SSUH2: variants seen among roughly 807,000 people sequenced by gnomAD.
The protein encoded by SSUH2 is ssu-2 homolog.
In SSUH2, 47 loss-of-function variants were observed where a neutral mutation model predicts 55.3. The observed-to-expected ratio is 0.85, with a 90% CI of 0.67 to 1.08. The LOEUF is 1.08. SSUH2 is among the 50% of genes least tolerant of loss of function. SSUH2 has a pLI of 0.00. For missense variants in SSUH2, 535 were observed against 490.7 expected (o/e 1.09, Z -0.85); for synonymous variants, 212 against 191.5 (o/e 1.11, Z -0.89).
At chr3:8,660,063 G>A (rs1459676343) in intron 6 of SSUH2, among the ~76,000 whole-genome samples, 2 of 152,192 alleles carry the variant, frequency 1.3e-5, no homozygotes, top group African/African-American at 4.8e-5. Flanking sequence ...TCCCAACAGG[G>A]AAGCTAGTCT....
At position 8,632,004 on chromosome 3, in the gene SSUH2, G is replaced by C. The variant is rs751679130; in HGVS notation, c.400+45C>G. 32 of 1,500,208 alleles carry C rather than the reference G, an allele frequency of 2.1e-5. No homozygotes were observed. The Middle Eastern group carries it at 8.6e-4, about 40-fold the overall frequency. 92.9% of individuals were successfully genotyped at this position (1,500,208 alleles called of 1,614,324 possible). ...TCCTGATATTTTCCACCAGCACCCTGACTTATTTGCCCCCAGTTAAACTAA... is the reference window on the plus strand; with the variant it reads ...TCCTGATATTTTCCACCAGCACCCTCACTTATTTGCCCCCAGTTAAACTAA... On this transcript the variant is annotated intron_variant, in intron 5 of 11. Coordinates refer to ENST00000544814, the MANE Select transcript of SSUH2 (RefSeq NM_001256748.3).
chr3:8,679,061 AC>A lies in SSUH2; in HGVS notation c.-901+643del, dbSNP rs551506413. Among the ~76,000 whole-genome samples, 23 of 90,064 alleles carry A rather than the reference AC, an allele frequency of 2.6e-4. 5 individuals carry two copies. Among genetic ancestry groups the A allele is most frequent in the South Asian group, 8.1e-4 (2 of 2,484 alleles). 59.1% of individuals were successfully genotyped at this position (90,064 alleles called of 152,430 possible). On this transcript the variant is annotated intron_variant, in intron 2 of 18. Coordinates refer to the SSUH2 transcript ENST00000317371. Reference sequence around the variant, plus strand: ...GGACACCAAACGCAGGGGAGGAAGCACCCCCCGCGAGGCGGGGACTGAGAGC... The same window carrying A: ...GGACACCAAACGCAGGGGAGGAAGCACCCCCGCGAGGCGGGGACTGAGAGC...
At chr3:8,662,545 G>A (rs897867673) in intron 6 of SSUH2, among the ~76,000 whole-genome samples, 1 of 152,220 alleles carries the variant, frequency 6.6e-6, no homozygotes, top group Non-Finnish European at 1.5e-5. Context: ...AGTATACAGC[G>A]AGTGCTATGT....
intron 5 of SSUH2, among the ~76,000 whole-genome samples, chr3:8,665,632 C>A (rs1348377387): frequency 6.6e-6 from 1 of 151,172 alleles, no homozygotes; most frequent in African/African-American, 2.4e-5. Context: ...CCTTCTGCAA[C>A]CCAAAGTCCC....
rs201641201 is a variant in SSUH2, at chr3:8,619,906, A to G, written c.1090T>C (p.Tyr364His). The G allele has an allele frequency of 2.9e-4, 473 of 1,614,100 alleles. No homozygotes were observed. Among genetic ancestry groups the G allele is most frequent in the Non-Finnish European group, 3.8e-4 (454 of 1,180,032 alleles). ...GTDHQVYAVDYPERYCCGCTI... is the reference protein window; with the variant it reads ...GTDHQVYAVDHPERYCCGCTI... The stretch of plus-strand genomic sequence containing the variant: ...CAGCCACAGCAATACCGCTCAGGAT[A>G]GTCCACCGCATACACCTGGTGGTCA... The change falls in exon 12 of 12, where the codon TAT becomes CAT. Residue 364 changes from tyrosine to histidine, a missense_variant. Tyr to His is a moderately conservative substitution (Grantham distance 83). Transcript: ENST00000544814.
chr3:8,660,526 T>C (rs1703373162), intron 6 of SSUH2, among the ~76,000 whole-genome samples: 1 of 152,134 alleles, frequency 6.6e-6, no homozygotes, highest in African/African-American at 2.4e-5. Context: ...GCCAAAAGAA[T>C]GGGCTCCAGA....
intron 5 of SSUH2, among the ~76,000 whole-genome samples, chr3:8,665,651 AC>A (rs1703925160): frequency 1.3e-5 from 2 of 152,184 alleles, no homozygotes; most frequent in South Asian, 4.1e-4. Flanking sequence ...CCCCCCGTTC[AC>A]CAACGCAAAA....
intron 6 of SSUH2, 24 bp from the exon 7 acceptor site, chr3:8,629,750 G>T (rs1435959174): frequency 3.1e-6 from 5 of 1,613,330 alleles, no homozygotes; most frequent in Non-Finnish European, 4.2e-6. Context: ...GCTTTCTTGG[G>T]ATCTAGTTTC....
intron 11 of SSUH2, among the ~76,000 whole-genome samples, chr3:8,621,792 A>C (rs541043962): frequency 1.3e-5 from 2 of 152,194 alleles, no homozygotes; most frequent in African/African-American, 4.8e-5. Flanking sequence ...AAGGACCCCA[A>C]ATAGGGACTA....
rs558220101 is a variant in SSUH2 at position 8,641,186 on chromosome 3, C to T, written c.28+3545G>A. Among the ~76,000 whole-genome samples, 6 of 152,352 alleles carry T rather than the reference C, an allele frequency of 3.9e-5. No homozygotes were observed. In the South Asian group the frequency reaches 1.2e-3, roughly 32 times the overall value. ...TCCTGTGCCCCTTGGCACTCCACTCCACTTCTCCACTGTTGTTTTGCCAAA... is the reference window on the plus strand; with the variant it reads ...TCCTGTGCCCCTTGGCACTCCACTCTACTTCTCCACTGTTGTTTTGCCAAA... On this transcript the variant is annotated intron_variant, in intron 1 of 11. Coordinates refer to ENST00000544814, the MANE Select transcript of SSUH2 (RefSeq NM_001256748.3).
At chr3:8,660,241 A>G (rs746114089) in intron 6 of SSUH2, among the ~76,000 whole-genome samples, 10 of 152,156 alleles carry the variant, frequency 6.6e-5, no homozygotes, top group Non-Finnish European at 1.0e-4. Flanking sequence ...CCATAAAGAG[A>G]GCGCTGGTTA....
intron 1 of SSUH2, among the ~76,000 whole-genome samples, 188 bp downstream of exon 1, chr3:8,644,543 C>T (rs1701406343): frequency 6.6e-6 from 1 of 152,156 alleles, no homozygotes. Context: ...TCTCGGCAAT[C>T]CAGATGCAGA....
At chr3:8,644,323 G>T (rs573934480) in intron 1 of SSUH2, among the ~76,000 whole-genome samples, 1 of 152,226 alleles carries the variant, frequency 6.6e-6, no homozygotes, top group South Asian at 2.1e-4. Context: ...ACTTAGATTT[G>T]GCTGGGAGCA....
chr3:8,656,510 G>C (rs1018691519), intron 7 of SSUH2, among the ~76,000 whole-genome samples: 2 of 152,194 alleles, frequency 1.3e-5, no homozygotes, highest in Non-Finnish European at 2.9e-5. Flanking sequence ...CTGTGACCCA[G>C]GGACGGAGCA....
chr3:8,628,668 G>A (rs541218644), intron 7 of SSUH2, among the ~76,000 whole-genome samples: 2 of 152,306 alleles, frequency 1.3e-5, no homozygotes, highest in Non-Finnish European at 2.9e-5. Context: ...AGGCAGGTGG[G>A]GACTGAAGTG....
chr3:8,625,030 C>T (rs1212400828), intron 10 of SSUH2, among the ~76,000 whole-genome samples: 6 of 152,098 alleles, frequency 3.9e-5, no homozygotes, highest in Middle Eastern at 3.2e-3. Flanking sequence ...TGCCCCTTAC[C>T]CTGCTTGAAT....
intron 1 of SSUH2, among the ~76,000 whole-genome samples, chr3:8,641,554 A>G (rs1399596806): frequency 6.6e-6 from 1 of 151,592 alleles, no homozygotes; most frequent in Non-Finnish European, 1.5e-5. Context: ...TTTCTTACTC[A>G]CTCCCCAAAG....
intron 5 of SSUH2, among the ~76,000 whole-genome samples, chr3:8,669,033 A>G (rs1704262962): frequency 6.6e-6 from 1 of 152,036 alleles, no homozygotes; most frequent in Non-Finnish European, 1.5e-5. Context: ...GAAGGGAGGG[A>G]GGAACTCTTT....
At chr3:8,656,472 C>T (rs1431713778) in intron 7 of SSUH2, among the ~76,000 whole-genome samples, 1 of 152,166 alleles carries the variant, frequency 6.6e-6, no homozygotes, top group Non-Finnish European at 1.5e-5. Flanking sequence ...ACTCTCAGCC[C>T]CTCTTGACAG....
Sources: allele counts gnomAD v4.1 joint callset (sites outside exome capture counted in the v4.1 genomes callset), GRCh38; gene constraint gnomAD v4.1.1; transcripts MANE v1.5; gene names NCBI Gene and HGNC (gene_info 2026-07-23, HGNC 2026-07-21).